GULP1: variants seen among roughly 807,000 people sequenced by gnomAD.
GULP1 encodes the protein GULP PTB domain containing engulfment adaptor 1.
Under a neutral mutation model 40.9 loss-of-function variants are expected in GULP1, and 19 were observed. The observed-to-expected ratio is 0.46, with a 90% CI of 0.32 to 0.68. GULP1 has a LOEUF of 0.68. GULP1 is among the 30% of genes least tolerant of loss of function. The pLI is 0.03. For missense variants in GULP1, 312 were observed against 362.2 expected (o/e 0.86, Z 1.12); for synonymous variants, 119 against 117.6 (o/e 1.01, Z -0.08).
In GULP1 at chr2:188,491,017, T is replaced by C. The variant is rs115227710; in HGVS notation, c.90+7525T>C. Among the ~76,000 whole-genome samples the C allele has an allele frequency of 4.4e-3, 669 of 152,078 alleles. 3 individuals carry two copies. Among genetic ancestry groups the C allele is most frequent in the African/African-American group, 0.015 (632 of 41,524 alleles). On this transcript the variant is annotated intron_variant, in intron 4 of 11. Transcript: ENST00000409830. Reference sequence around the variant, plus strand: ...TCGCCACGTTGCTTATTGCTGGTCTTGAACTCCTGAGCTCAAGCGATCCAC... The same window carrying C: ...TCGCCACGTTGCTTATTGCTGGTCTCGAACTCCTGAGCTCAAGCGATCCAC...
chr2:188,485,278 A>C (rs1442598090), intron 4 of GULP1, among the ~76,000 whole-genome samples: 1 of 152,014 alleles, frequency 6.6e-6, no homozygotes, highest in East Asian at 1.9e-4. Flanking sequence ...GCCAGTGCCA[A>C]TTCACAGGTG....
intron 1 of GULP1, among the ~76,000 whole-genome samples, chr2:188,329,797 G>A (rs1249713372): frequency 6.6e-6 from 1 of 152,118 alleles, no homozygotes. Context: ...GATGGGGTTC[G>A]TGATGTATTT....
chr2:188,593,854 C>A lies in GULP1; in HGVS notation c.844-86C>A, dbSNP rs1182762651. 3 of 764,014 alleles carry A rather than the reference C, an allele frequency of 3.9e-6. No homozygotes were observed. The East Asian group carries it at 7.7e-5, about 20-fold the overall frequency. The allele number at this position is 764,014 out of a possible 1,614,324, so 47.3% of individuals were successfully genotyped here. A position where few individuals can be genotyped will look rare whatever the true frequency, so the allele number is the denominator to read the frequency against. ...TTAGTTGATCAAAGCATGAATATTT[C>A]AACTTTAGTGCATAGTCTTTTTTAT... On this transcript the variant is annotated intron_variant, in intron 11 of 11. Coordinates refer to ENST00000409830, the MANE Select transcript of GULP1 (RefSeq NM_016315.4).
rs527436205 is a variant in GULP1, at chr2:188,362,787, G to T, written c.-171-20976G>T. Among the ~76,000 whole-genome samples the T allele has an allele frequency of 2.0e-5, 3 of 152,028 alleles. No homozygotes were observed. The East Asian group carries it at 5.8e-4, about 29-fold the overall frequency. On this transcript the variant is annotated intron_variant, in intron 1 of 11. Transcript: ENST00000409830. ...TGTAATCTGACTTAGAAGGCTGATG[G>T]ATCATACTGGCCAAGAGAGTAAAAC...
chr2:188,545,727 A>G (rs897940613), intron 7 of GULP1, among the ~76,000 whole-genome samples: 34 of 152,082 alleles, frequency 2.2e-4, no homozygotes, highest in African/African-American at 7.9e-4. Flanking sequence ...AAGCCCTAAC[A>G]TATCAAAAAT....
At chr2:188,556,757 T>G (rs1694861137) in intron 7 of GULP1, among the ~76,000 whole-genome samples, 1 of 152,164 alleles carries the variant, frequency 6.6e-6, no homozygotes. Context: ...ACCACGTTGC[T>G]GGGCACGGTG....
At chr2:188,504,810 T>C (rs762738489) in intron 4 of GULP1, among the ~76,000 whole-genome samples, 5 of 151,820 alleles carry the variant, frequency 3.3e-5, no homozygotes, top group African/African-American at 4.8e-5. Flanking sequence ...AGTTAACTGG[T>C]TTTTTTGTTT....
At chr2:188,295,911 A>G (rs1355204060) in intron 1 of GULP1, among the ~76,000 whole-genome samples, 2 of 152,110 alleles carry the variant, frequency 1.3e-5, no homozygotes, top group South Asian at 2.1e-4. Context: ...TCTTATTTCC[A>G]TTGATGAATG....
intron 1 of GULP1, among the ~76,000 whole-genome samples, chr2:188,381,100 A>T (rs1487110353): frequency 2.6e-5 from 4 of 152,102 alleles, no homozygotes; most frequent in Non-Finnish European, 5.9e-5. Context: ...TTTAAAATAA[A>T]AATATGTTCA....
intron 2 of GULP1, among the ~76,000 whole-genome samples, chr2:188,420,959 C>T (rs546295316): frequency 3.9e-5 from 6 of 152,080 alleles, no homozygotes; most frequent in East Asian, 1.9e-4. Context: ...TGTCTCCTGT[C>T]GCTATCAGTA....
chr2:188,385,498 C>G (rs769968307), intron 2 of GULP1, among the ~76,000 whole-genome samples: 1 of 152,176 alleles, frequency 6.6e-6, no homozygotes, highest in Admixed American at 6.5e-5. Flanking sequence ...TCCCCATTAT[C>G]TTGATGATTA....
At chr2:188,367,658 AGAAACGGTTACATACT>A (rs1412081489) in intron 1 of GULP1, among the ~76,000 whole-genome samples, 2 of 152,178 alleles carry the variant, frequency 1.3e-5, no homozygotes, top group Non-Finnish European at 2.9e-5. Context: ...GTATCAAGAT[AGAAACGGTTACATACT>A]GAAGCCCAAG....
intron 5 of GULP1, among the ~76,000 whole-genome samples, chr2:188,523,617 A>G (rs1465042703): frequency 3.9e-5 from 6 of 152,108 alleles, no homozygotes; most frequent in Non-Finnish European, 8.8e-5. Flanking sequence ...TTTTGGAGAA[A>G]CAACCCTTCT....
At chr2:188,446,295 T>TA (rs1339716652) in intron 2 of GULP1, among the ~76,000 whole-genome samples, 2 of 152,272 alleles carry the variant, frequency 1.3e-5, no homozygotes, top group Admixed American at 1.3e-4. Flanking sequence ...TTGAAAACAC[T>TA]AGTGTCCTGG....
At chr2:188,363,222 A>G (rs766473980) in intron 1 of GULP1, among the ~76,000 whole-genome samples, 1 of 152,082 alleles carries the variant, frequency 6.6e-6, no homozygotes. Context: ...TTGAGGGTTC[A>G]TTTTTACACC....
chr2:188,438,174 G>A (rs1217047022), intron 2 of GULP1, among the ~76,000 whole-genome samples: 2 of 152,002 alleles, frequency 1.3e-5, no homozygotes, highest in Non-Finnish European at 2.9e-5. Context: ...CCAAGACTAA[G>A]GTTAATATAA....
intron 4 of GULP1, among the ~76,000 whole-genome samples, chr2:188,503,375 A>G (rs995973292): frequency 7.9e-5 from 12 of 151,850 alleles, no homozygotes; most frequent in African/African-American, 2.9e-4. Flanking sequence ...ATCACAGCAG[A>G]AAGCGAAGGG....
intron 7 of GULP1, among the ~76,000 whole-genome samples, chr2:188,553,621 T>C (rs1371442448): frequency 6.6e-6 from 1 of 152,058 alleles, no homozygotes; most frequent in Non-Finnish European, 1.5e-5. Context: ...GTTTTGTTTT[T>C]GTTGTTGTTG....
At chr2:188,326,466 T>C (rs2040780779) in intron 1 of GULP1, among the ~76,000 whole-genome samples, 1 of 152,104 alleles carries the variant, frequency 6.6e-6, no homozygotes, top group Admixed American at 6.6e-5. Context: ...AGGATTAAGA[T>C]ACATATCTGA....
Sources: gnomAD v4.1 joint callset for allele counts (sites outside exome capture counted in the v4.1 genomes callset) on GRCh38, gnomAD v4.1.1 for gene constraint, MANE v1.5 for transcripts, NCBI Gene and HGNC (gene_info 2026-07-23, HGNC 2026-07-21) for gene names.